CCDC102B: variants seen among roughly 807,000 people sequenced by gnomAD.
The protein encoded by CCDC102B is coiled-coil domain-containing protein 102B.
CCDC102B carries 75 observed loss-of-function variants against 57.4 expected under a neutral mutation model. That is an observed-to-expected ratio of 1.31 (90% confidence interval 1.08 to 1.58). The LOEUF (loss-of-function observed/expected upper bound fraction) is 1.58. CCDC102B is among the 40% of genes most tolerant of loss of function. CCDC102B has a pLI of 0.00. For missense variants in CCDC102B, 636 were observed against 582.6 expected (o/e 1.09, Z -0.94); for synonymous variants, 206 against 201.9 (o/e 1.02, Z -0.17).
intron 1 of CCDC102B, among the ~76,000 whole-genome samples, chr18:68,813,643 G>C (rs544782401): frequency 5.3e-5 from 8 of 152,072 alleles, no homozygotes; most frequent in African/African-American, 1.4e-4. Context: ...GGAGAGTGGA[G>C]CCCAGGCGAG....
At chr18:68,891,013 T>C (rs560356379) in intron 5 of CCDC102B, among the ~76,000 whole-genome samples, 5 of 152,360 alleles carry the variant, frequency 3.3e-5, no homozygotes, top group African/African-American at 1.2e-4. Context: ...AATGTTTTAT[T>C]TTTAGAAAAC....
intron 6 of CCDC102B, among the ~76,000 whole-genome samples, chr18:68,944,182 A>G (rs989023704): frequency 1.3e-5 from 2 of 152,136 alleles, no homozygotes; most frequent in Admixed American, 6.6e-5. Flanking sequence ...TTGTAAATCA[A>G]GAAGCCAAAT....
At chr18:68,859,157 A>G (rs962636991) in intron 4 of CCDC102B, 7 of 146,474 alleles carry the variant, frequency 4.8e-5, no homozygotes, top group South Asian at 2.3e-4. Context: ...CATATCTACA[A>G]CTATCTGATC....
intron 6 of CCDC102B, among the ~76,000 whole-genome samples, chr18:68,945,729 C>T (rs2049521415): frequency 6.6e-6 from 1 of 152,064 alleles, no homozygotes; most frequent in African/African-American, 2.4e-5. Context: ...CCTAGGAGAG[C>T]ATATCCATAT....
rs180756449 is a variant in CCDC102B, at chr18:68,897,901, T to A, written c.1263+473T>A. The A allele has an allele frequency of 6.0e-3, 1,283 of 215,104 alleles. 8 individuals are homozygous for A. The highest frequency in any genetic ancestry group is 6.7e-3 in the Non-Finnish European group (707 of 104,980). The allele number at this position is 215,104 out of a possible 1,614,324, so 13.3% of individuals were successfully genotyped here. A position where few individuals can be genotyped will look rare whatever the true frequency, so the allele number is the denominator to read the frequency against. On this transcript the variant is annotated intron_variant, in intron 6 of 7. Transcript: ENST00000360242. ...TTTTTTGTCAGTTTCAGAACGATTA[T>A]TTTTGAGCTAATGAAATGCATAATT...
chr18:68,949,751 A>G (rs887431215), intron 6 of CCDC102B, among the ~76,000 whole-genome samples: 1 of 152,014 alleles, frequency 6.6e-6, no homozygotes, highest in Non-Finnish European at 1.5e-5. Flanking sequence ...GCTACTCTGT[A>G]TTTCCTATTA....
chr18:68,837,425 G>T, intron 2 of CCDC102B, 56 bp downstream of exon 2: 6 of 1,501,044 alleles, frequency 4.0e-6, no homozygotes, highest in Non-Finnish European at 5.4e-6. Context: ...ATAGTGATGG[G>T]GAGGAAGAAG....
chr18:68,946,690 A>T (rs2049549902), intron 6 of CCDC102B, among the ~76,000 whole-genome samples: 1 of 152,048 alleles, frequency 6.6e-6, no homozygotes, highest in Non-Finnish European at 1.5e-5. Flanking sequence ...TGGTGGTAAG[A>T]TGTTTCCATC....
intron 6 of CCDC102B, among the ~76,000 whole-genome samples, chr18:68,980,255 CTT>C (rs74712689): frequency 1.4e-4 from 20 of 141,004 alleles, no homozygotes; most frequent in African/African-American, 1.8e-4. Flanking sequence ...ATATTCAATC[CTT>C]TTTTTTTTTT....
Position 68,803,493 on chromosome 18 carries a change from A to C in CCDC102B, c.-16+5312A>C, listed in dbSNP as rs529357210. Reference sequence around the variant, plus strand: ...TCCCTTCTGTTAGGGTGAAGGATGTAAGATACTTAACCACGAGGAATCTTG... The same window carrying C: ...TCCCTTCTGTTAGGGTGAAGGATGTCAGATACTTAACCACGAGGAATCTTG... On this transcript the variant is annotated intron_variant, in intron 1 of 7. Transcript: ENST00000360242. Among the ~76,000 whole-genome samples the C allele has an allele frequency of 5.3e-5, 8 of 152,336 alleles. No homozygotes were observed. The South Asian group carries it at 1.0e-3, about 20-fold the overall frequency.
intron 6 of CCDC102B, among the ~76,000 whole-genome samples, chr18:68,915,802 A>C (rs2145091130): frequency 6.6e-6 from 1 of 152,324 alleles, no homozygotes; most frequent in South Asian, 2.1e-4. Flanking sequence ...GGAAAAAATC[A>C]ATTTCAGTCG....
Position 68,802,355 on chromosome 18 carries a change from A to G in CCDC102B, c.-16+4174A>G, listed in dbSNP as rs546706050. 2.0e-5 allele frequency among the ~76,000 whole-genome samples: 3 copies of G among 152,348 alleles called. No homozygotes were observed. In the South Asian group the frequency reaches 6.2e-4, roughly 32 times the overall value. ...TAATGAAACTTAAGTTATAGAATTT[A>G]TGATTGCATGGATTAAAAACATGGA... is the stretch of plus-strand genomic sequence containing the variant. On this transcript the variant is annotated intron_variant, in intron 1 of 7. Transcript: ENST00000360242.
chr18:68,844,387 A>C (rs1027023987), intron 3 of CCDC102B, among the ~76,000 whole-genome samples: 3 of 150,546 alleles, frequency 2.0e-5, no homozygotes, highest in Non-Finnish European at 4.5e-5. Context: ...TCTTTTATAA[A>C]AATATTTTAT....
intron 4 of CCDC102B, among the ~76,000 whole-genome samples, chr18:68,860,913 G>A (rs2038722963): frequency 6.8e-6 from 1 of 147,646 alleles, no homozygotes; most frequent in Admixed American, 6.9e-5. Flanking sequence ...CAGCTCCTGG[G>A]ACAGTCCTGG....
chr18:68,769,527 C>T (rs2034572209), intron 2 of CCDC102B, among the ~76,000 whole-genome samples: 1 of 152,064 alleles, frequency 6.6e-6, no homozygotes, highest in African/African-American at 2.4e-5. Flanking sequence ...CCTACGGTTC[C>T]TCCTGGAATG....
chr18:68,790,674 C>T (rs1026010592), intron 2 of CCDC102B, among the ~76,000 whole-genome samples: 2 of 152,200 alleles, frequency 1.3e-5, no homozygotes, highest in African/African-American at 2.4e-5. Context: ...GGCAATGCCT[C>T]GCCCTGCTTC....
At chr18:69,012,875 T>C (rs73967762) in intron 7 of CCDC102B, among the ~76,000 whole-genome samples, 3,543 of 152,224 alleles carry the variant, frequency 0.023, 134 homozygotes, top group African/African-American at 0.08. Context: ...ACTGGTATGG[T>C]CATTAAAATA....
At chr18:68,790,474 T>C (rs4891704) in intron 2 of CCDC102B, among the ~76,000 whole-genome samples, 34,539 of 151,722 alleles carry the variant, frequency 0.23, 4,495 homozygotes, top group East Asian at 0.51. Flanking sequence ...GTGCTAGCAA[T>C]CAGCGAGACT....
chr18:68,862,523 A>G (rs2144886238), intron 4 of CCDC102B, among the ~76,000 whole-genome samples: 1 of 152,288 alleles, frequency 6.6e-6, no homozygotes, highest in East Asian at 1.9e-4. Context: ...CAACTCTTAC[A>G]TGAACTACCA....
Sources: allele counts gnomAD v4.1 joint callset (sites outside exome capture counted in the v4.1 genomes callset), GRCh38; gene constraint gnomAD v4.1.1; transcripts MANE v1.5; gene names NCBI Gene and HGNC (gene_info 2026-07-23, HGNC 2026-07-21).